PTPN4: variants seen among roughly 807,000 people sequenced by gnomAD.
PTPN4 encodes the protein tyrosine-protein phosphatase non-receptor type 4.
A neutral mutation model predicts 135.5 loss-of-function variants in PTPN4; 49 were observed. The observed-to-expected ratio is 0.36, with a 90% CI of 0.29 to 0.46. The LOEUF is 0.46. PTPN4 is among the 20% of genes least tolerant of loss of function. The pLI is 1.00. For missense variants in PTPN4, 860 were observed against 1,101.0 expected (o/e 0.78, Z 3.10); for synonymous variants, 333 against 369.9 (o/e 0.90, Z 1.14).
At chr2:119,882,309 T>C (rs1558753860) in intron 7 of PTPN4, among the ~76,000 whole-genome samples, 160 bp downstream of exon 7, 2 of 152,186 alleles carry the variant, frequency 1.3e-5, no homozygotes, top group Non-Finnish European at 1.5e-5. Context: ...GCAATTACTA[T>C]GATTTTTGAA....
intron 3 of PTPN4, among the ~76,000 whole-genome samples, chr2:119,876,897 ATGTGTGTGTGTGTG>A (rs3835789): frequency 7.1e-4 from 96 of 136,136 alleles, no homozygotes; most frequent in Non-Finnish European, 1.1e-3. Context: ...GCCCAAGAGC[ATGTGTGTGTGTGTG>A]TGTGTGTGTG....
chr2:119,895,451 C>A (rs894024610), intron 9 of PTPN4, among the ~76,000 whole-genome samples: 4 of 152,082 alleles, frequency 2.6e-5, no homozygotes, highest in African/African-American at 9.7e-5. Context: ...ACCAGCCTGG[C>A]CAAAATGGCC....
intron 9 of PTPN4, 88 bp downstream of exon 9, chr2:119,885,970 A>G: frequency 1.1e-6 from 1 of 880,016 alleles, no homozygotes; most frequent in Non-Finnish European, 1.7e-6. Context: ...CAAATGGAAT[A>G]AGTTATGATT....
chr2:119,882,554 A>G lies in PTPN4; in HGVS notation c.518A>G (p.Asp173Gly). The change falls in exon 8 of 27, where the codon GAT becomes GGT. Residue 173 changes from aspartate to glycine, a missense_variant. Coordinates refer to ENST00000263708, the MANE Select transcript of PTPN4 (RefSeq NM_002830.4). The part of the protein sequence containing the change: ...QSENLSGYLS[D>G]YSFIPNQPQD... The stretch of plus-strand genomic sequence containing the variant: ...GAGAACTTGTCAGGCTACCTCTCAG[A>G]TTATTCTTTCATTCCTAATCAACCT... 1.3e-6 allele frequency: 2 copies of G among 1,556,240 alleles called. No individual in the cohort carries two copies. Among genetic ancestry groups the G allele is most frequent in the East Asian group, 2.3e-5 (1 of 43,522 alleles).
At chr2:119,945,396 T>G (rs7600358) in intron 16 of PTPN4, among the ~76,000 whole-genome samples, 156 bp downstream of exon 16, 1 of 151,776 alleles carries the variant, frequency 6.6e-6, no homozygotes, top group South Asian at 2.1e-4. Context: ...CCATGATGTA[T>G]CTCAATATAA....
intron 2 of PTPN4, among the ~76,000 whole-genome samples, chr2:119,852,127 T>C (rs1490647951): frequency 6.6e-6 from 1 of 152,242 alleles, no homozygotes; most frequent in Non-Finnish European, 1.5e-5. Flanking sequence ...TCCTCAGCTT[T>C]GTTGGGACAA....
chr2:119,760,372 G>C lies in PTPN4; in HGVS notation c.-30G>C, dbSNP rs923300616. The C allele has an allele frequency of 1.5e-5, 6 of 391,104 alleles. No individual in the cohort carries two copies. The highest frequency in any genetic ancestry group is 1.2e-4 in the African/African-American group (6 of 48,264). 24.2% of individuals were successfully genotyped at this position (391,104 alleles called of 1,614,324 possible). ...TTTCTCCAGCCGAGAGGACGCGGCT[G>C]TGATATACGAAGGTAAGAGGTTCTC... On this transcript the variant is annotated 5_prime_UTR_variant, in exon 1 of 27. Coordinates refer to ENST00000263708, the MANE Select transcript of PTPN4 (RefSeq NM_002830.4).
At chr2:119,829,161 G>A (rs1165939529) in intron 2 of PTPN4, among the ~76,000 whole-genome samples, 1 of 151,942 alleles carries the variant, frequency 6.6e-6, no homozygotes, top group African/African-American at 2.4e-5. Context: ...CTACTATGAG[G>A]GATTTGTCCA....
At chr2:119,862,395 C>T in intron 2 of PTPN4, 141 bp from the exon 3 acceptor site, 1 of 637,940 alleles carries the variant, frequency 1.6e-6, no homozygotes, top group South Asian at 2.1e-5. Flanking sequence ...ATTGCCAAGG[C>T]CTGATTTTTC....
intron 8 of PTPN4, among the ~76,000 whole-genome samples, chr2:119,884,935 T>C (rs1057102178): frequency 2.6e-5 from 4 of 152,188 alleles, no homozygotes; most frequent in Non-Finnish European, 5.9e-5. Context: ...TGTAGTCTGA[T>C]AATAACAGAT....
Position 119,955,141 on chromosome 2 carries a change from G to C in PTPN4, c.1814-16G>C, listed in dbSNP as rs757265958. ...GATTTCCACGTTTTGGGGTTTGTTT[G>C]ATTTTTTTTTTTTAGCTGTATATGA... On this transcript the variant is annotated splice_polypyrimidine_tract_variant and intron_variant, in intron 19 of 26. Transcript: ENST00000263708. 8 of 1,548,326 alleles carry C rather than the reference G, an allele frequency of 5.2e-6. No homozygotes were observed. The highest frequency in any genetic ancestry group is 7.0e-6 in the Non-Finnish European group (8 of 1,145,274).
chr2:119,951,102 G>A (rs957723023), intron 18 of PTPN4, among the ~76,000 whole-genome samples: 3 of 152,168 alleles, frequency 2.0e-5, no homozygotes, highest in Admixed American at 1.3e-4. Context: ...CCTCCTCCCC[G>A]TGGTACAGCT....
chr2:119,905,035 C>CAA (rs35974878), intron 10 of PTPN4, among the ~76,000 whole-genome samples: 21 of 96,492 alleles, frequency 2.2e-4, no homozygotes, highest in African/African-American at 5.3e-4. Context: ...GTTATTACTA[C>CAA]AAAAAAAAAA....
At chr2:119,779,932 G>T (rs1690908453) in intron 1 of PTPN4, among the ~76,000 whole-genome samples, 1 of 152,042 alleles carries the variant, frequency 6.6e-6, no homozygotes, top group Admixed American at 6.6e-5. Flanking sequence ...TTTTTGTAGA[G>T]ACAGGACTTC....
chr2:119,860,853 C>T (rs1414386234), intron 2 of PTPN4, among the ~76,000 whole-genome samples: 2 of 151,936 alleles, frequency 1.3e-5, no homozygotes, highest in Non-Finnish European at 2.9e-5. Flanking sequence ...CTAGCCTGAC[C>T]AATATGATGA....
intron 15 of PTPN4, chr2:119,935,232 G>A (rs962711701): frequency 3.1e-6 from 1 of 319,754 alleles, no homozygotes; most frequent in Admixed American, 4.8e-5. Flanking sequence ...GTAGCACTCT[G>A]GTCAAGGAGG....
chr2:119,976,891 C>G lies in PTPN4; in HGVS notation c.2695-93C>G. 3.3e-6 allele frequency: 5 copies of G among 1,506,412 alleles called. No homozygotes were observed. The South Asian group carries it at 6.6e-5, about 20-fold the overall frequency. 93.3% of individuals were successfully genotyped at this position (1,506,412 alleles called of 1,614,324 possible). A position where few individuals can be genotyped will look rare whatever the true frequency, so the allele number is the denominator to read the frequency against. The stretch of plus-strand genomic sequence containing the variant: ...TTTTGTTTTGCATTTTTTAAGTAAG[C>G]AAGCCAAGTGAGATGTTTGTCTTTT... On this transcript the variant is annotated intron_variant, in intron 26 of 26. Transcript: ENST00000263708.
In PTPN4 at chr2:119,946,432, G is replaced by A. The variant is rs762880887; in HGVS notation, c.1599+8G>A. 2.5e-6 allele frequency: 4 copies of A among 1,602,470 alleles called. No homozygotes were observed. The Admixed American group carries it at 5.1e-5, about 20-fold the overall frequency. Reference sequence around the variant, plus strand: ...TTTGGATTCAATGTAAAGGTAATCTGGAATTTATTTTATACTCAGTTTTTA... The same window carrying A: ...TTTGGATTCAATGTAAAGGTAATCTAGAATTTATTTTATACTCAGTTTTTA... On this transcript the variant is annotated splice_region_variant and intron_variant, in intron 17 of 26. Coordinates refer to ENST00000263708, the MANE Select transcript of PTPN4 (RefSeq NM_002830.4).
intron 2 of PTPN4, among the ~76,000 whole-genome samples, chr2:119,822,006 T>C (rs1677075287): frequency 6.6e-6 from 1 of 152,150 alleles, no homozygotes; most frequent in African/African-American, 2.4e-5. Flanking sequence ...AAATTTCATG[T>C]AGATTGTGCA....
Sources: allele counts gnomAD v4.1 joint callset (sites outside exome capture counted in the v4.1 genomes callset), GRCh38; gene constraint gnomAD v4.1.1; transcripts MANE v1.5; gene names NCBI Gene and HGNC (gene_info 2026-07-23, HGNC 2026-07-21).